ZNHIT3: variants seen among roughly 807,000 people sequenced by gnomAD.
The protein encoded by ZNHIT3 is zinc finger HIT domain-containing protein 3.
Under a neutral mutation model 19.9 loss-of-function variants are expected in ZNHIT3, and 27 were observed. That is an observed-to-expected ratio of 1.36 (90% CI 1.00 to 1.87). The LOEUF (loss-of-function observed/expected upper bound fraction) is 1.87, where lower values mean the gene tolerates loss of function less well. ZNHIT3 is among the 40% of genes most tolerant of loss of function. ZNHIT3 has a pLI of 0.00. For missense variants in ZNHIT3, 215 were observed against 185.6 expected (o/e 1.16, Z -0.92); for synonymous variants, 81 against 65.7 (o/e 1.23, Z -1.13).
At chr17:36,492,721 T>C (rs1399028454) in intron 2 of ZNHIT3, 92 bp from the exon 3 acceptor site, 8 of 1,134,772 alleles carry the variant, frequency 7.0e-6, no homozygotes, top group Non-Finnish European at 1.0e-5. Context: ...CCCCAGACAC[T>C]TGCTTCCTAC....
At chr17:36,498,748 C>T, downstream of ZNHIT3, 1 of 631,778 alleles carries the variant, frequency 1.6e-6, no homozygotes. Context: ...GGCAACTGTG[C>T]TTAGGCCTTA....
In ZNHIT3 at chr17:36,495,248, A is replaced by G. The variant is rs2142557949; in HGVS notation, c.312A>G (p.Leu104=). Residue 104 remains leucine, a synonymous_variant, in exon 5 of 5, where the codon TTA becomes TTG. Coordinates refer to ENST00000617429, the MANE Select transcript of ZNHIT3 (RefSeq NM_004773.4). ...GGGAATCTGCAACATTAAGAAGCTT[A>G]TTGCTCAATCCACACCTCAGGCAGT... ...NLGESATLRS[L]LLNPHLRQLM... 6.3e-7 allele frequency: 1 copy of G among 1,589,932 alleles called. No individual in the cohort carries two copies. The highest frequency in any genetic ancestry group is 8.5e-7 in the Non-Finnish European group (1 of 1,173,108).
At position 36,495,712 on chromosome 17, in the gene ZNHIT3, T is replaced by A; in HGVS notation, c.*308T>A. ...ATCAAGCTTACACTTCATATGGAGT[T>A]AAACTTGGTCAGTGTTAATAAAATC... On this transcript the variant is annotated 3_prime_UTR_variant, in exon 5 of 5. Coordinates refer to ENST00000617429, the MANE Select transcript of ZNHIT3 (RefSeq NM_004773.4). 1 of 1,252,944 alleles carries A rather than the reference T, an allele frequency of 8.0e-7. No individual in the cohort carries two copies. Among genetic ancestry groups the A allele is most frequent in the African/African-American group, 1.5e-5 (1 of 65,018 alleles). The allele number at this position is 1,252,944 out of a possible 1,614,324, so 77.6% of individuals were successfully genotyped here.
intron 1 of ZNHIT3, 40 bp from the exon 2 acceptor site, chr17:36,486,894 AC>A (rs1457024448): frequency 6.3e-7 from 1 of 1,595,816 alleles, no homozygotes; most frequent in South Asian, 1.1e-5. Flanking sequence ...GGGGCCGGGG[AC>A]CCTCGGGGCT....
intron 3 of ZNHIT3, among the ~76,000 whole-genome samples, 161 bp from the exon 4 acceptor site, chr17:36,493,765 A>T (rs2070781750): frequency 6.6e-6 from 1 of 152,238 alleles, no homozygotes; most frequent in Admixed American, 6.5e-5. Context: ...TAGTATAGTC[A>T]CAGACTCCGG....
intron 2 of ZNHIT3, among the ~76,000 whole-genome samples, chr17:36,487,871 A>T (rs111711101): frequency 6.6e-6 from 1 of 152,062 alleles, no homozygotes; most frequent in African/African-American, 2.4e-5. Flanking sequence ...TGGGAGGCCG[A>T]GGCGGGCGGA....
In ZNHIT3 at chr17:36,486,794, G is replaced by T. The variant is rs143086637; in HGVS notation, c.86+9G>T. 6.2e-6 allele frequency: 10 copies of T among 1,612,484 alleles called. No homozygotes were observed. The highest frequency in any genetic ancestry group is 8.5e-6 in the Non-Finnish European group (10 of 1,179,458). On this transcript the variant is annotated intron_variant, in intron 1 of 4. Coordinates refer to ENST00000617429, the MANE Select transcript of ZNHIT3 (RefSeq NM_004773.4). ...GCCTGCCGCGTGCCCTAGTGAGCGGGGAGGTCGCGGGGTCCAGGGGCGCGG... is the reference window on the plus strand; with the variant it reads ...GCCTGCCGCGTGCCCTAGTGAGCGGTGAGGTCGCGGGGTCCAGGGGCGCGG...
chr17:36,498,440 G>A (rs372375522), downstream of ZNHIT3: 3 of 1,613,912 alleles, frequency 1.9e-6, no homozygotes, highest in African/African-American at 4.0e-5. Context: ...GCCAGAGGCG[G>A]ATTATTGCCT....
At chr17:36,495,150 C>T (rs2142555774) in intron 4 of ZNHIT3, 73 bp from the exon 5 acceptor site, 1 of 1,491,386 alleles carries the variant, frequency 6.7e-7, no homozygotes, top group Non-Finnish European at 8.9e-7. Flanking sequence ...CTTGAAATAG[C>T]TCTTCACTTT....
downstream of ZNHIT3, chr17:36,499,265 C>CT: frequency 5.6e-6 from 4 of 712,572 alleles, no homozygotes; most frequent in South Asian, 1.8e-5. Flanking sequence ...GTTTCAAATA[C>CT]GTTTTTTTTT....
At chr17:36,487,087 G>T in intron 2 of ZNHIT3, 121 bp downstream of exon 2, 2 of 1,363,794 alleles carry the variant, frequency 1.5e-6, no homozygotes, top group African/African-American at 1.5e-5. Context: ...GGTCTCCGCG[G>T]GTTCTGCAGG....
At position 36,495,758 on chromosome 17, in the gene ZNHIT3, A is replaced by C; in HGVS notation, c.*354A>C. On this transcript the variant is annotated 3_prime_UTR_variant, in exon 5 of 5. Coordinates refer to ENST00000617429, the MANE Select transcript of ZNHIT3 (RefSeq NM_004773.4). Reference sequence around the variant, plus strand: ...AAATCAAAACGTGATTCTACTGTACATTGCATTATTCATAATTTAATTGTT... The same window carrying C: ...AAATCAAAACGTGATTCTACTGTACCTTGCATTATTCATAATTTAATTGTT... 2 of 1,245,214 alleles carry C rather than the reference A, an allele frequency of 1.6e-6. No homozygotes were observed. Among genetic ancestry groups the C allele is most frequent in the African/African-American group, 1.5e-5 (1 of 64,804 alleles). 77.1% of individuals were successfully genotyped at this position (1,245,214 alleles called of 1,614,324 possible). A position where few individuals can be genotyped will look rare whatever the true frequency, so the allele number is the denominator to read the frequency against.
At chr17:36,498,270 G>C (rs1035703594), downstream of ZNHIT3, 3 of 1,610,258 alleles carry the variant, frequency 1.9e-6, no homozygotes, top group African/African-American at 4.0e-5. Flanking sequence ...ACGTACCTGA[G>C]GCAGCGCTCG....
In ZNHIT3 at chr17:36,493,930, TG is replaced by T. The variant is rs1316294912; in HGVS notation, c.211del (p.Asp71MetfsTer4). The T allele has an allele frequency of 1.9e-6, 3 of 1,612,440 alleles. No homozygotes were observed. Among genetic ancestry groups the T allele is most frequent in the Non-Finnish European group, 2.5e-6 (3 of 1,178,682 alleles). On this transcript the variant is annotated frameshift_variant, in exon 4 of 5. Transcript: ENST00000617429. LOFTEE classifies it high-confidence loss of function. Reference protein sequence around the residue: ...TVKPVENKDDDDSIADFLNSD... With the variant: ...TVKPVENKDDXDSIADFLNSD... ...TGACTGTTTTGTATTCCTTAGATGATGATGACTCTATAGCTGATTTTCTCAA... is the reference window on the plus strand; with the variant it reads ...TGACTGTTTTGTATTCCTTAGATGATATGACTCTATAGCTGATTTTCTCAA...
intron 3 of ZNHIT3, chr17:36,493,191 G>A: frequency 4.2e-6 from 2 of 481,244 alleles, no homozygotes; most frequent in South Asian, 5.0e-5. Flanking sequence ...GCCTTCTCTA[G>A]CCCATAGCTG....
chr17:36,492,150 A>C (rs1408012193), intron 2 of ZNHIT3: 1 of 152,412 alleles, frequency 6.6e-6, no homozygotes, highest in Non-Finnish European at 1.5e-5. Flanking sequence ...TGTCCTCAGA[A>C]CCCTTTCCTG....
At position 36,486,793 on chromosome 17, in the gene ZNHIT3, G is replaced by C. The variant is rs745915202; in HGVS notation, c.86+8G>C. 1.9e-6 allele frequency: 3 copies of C among 1,612,596 alleles called. No homozygotes were observed. Among genetic ancestry groups the C allele is most frequent in the South Asian group, 2.2e-5 (2 of 90,948 alleles). ...AGCCTGCCGCGTGCCCTAGTGAGCG[G>C]GGAGGTCGCGGGGTCCAGGGGCGCG... On this transcript the variant is annotated splice_region_variant and intron_variant, in intron 1 of 4. Coordinates refer to ENST00000617429, the MANE Select transcript of ZNHIT3 (RefSeq NM_004773.4).
chr17:36,491,201 GATACC>G (rs2070718194), intron 2 of ZNHIT3: 1 of 152,258 alleles, frequency 6.6e-6, no homozygotes, highest in South Asian at 2.1e-4. Flanking sequence ...AGGCTGGGAA[GATACC>G]GCTCTGTGGT....
At position 36,495,362 on chromosome 17, in the gene ZNHIT3, C is replaced by G. The variant is rs1242353381; in HGVS notation, c.426C>G (p.Cys142Trp). 1 of 1,611,402 alleles carries G rather than the reference C, an allele frequency of 6.2e-7. No individual in the cohort carries two copies. Among genetic ancestry groups the G allele is most frequent in the African/African-American group, 1.3e-5 (1 of 74,680 alleles). ...CTTTGTTTGTGGAGTTTGCAGACTG[C>G]TGTTTAGGAATTGTGGAGCCATCCC... is the stretch of plus-strand genomic sequence containing the variant. Reference protein sequence around the residue: ...QEPLFVEFADCCLGIVEPSQN... With the variant: ...QEPLFVEFADWCLGIVEPSQN... Residue 142 changes from cysteine (C) to tryptophan (W), a missense_variant, in exon 5 of 5, where the codon TGC (cysteine) becomes TGG (tryptophan). Transcript: ENST00000617429.
Sources: gnomAD v4.1 joint callset for allele counts (sites outside exome capture counted in the v4.1 genomes callset) on GRCh38, gnomAD v4.1.1 for gene constraint, MANE v1.5 for transcripts, NCBI Gene and HGNC (gene_info 2026-07-23, HGNC 2026-07-21) for gene names.